ME1: variants seen among roughly 807,000 people sequenced by gnomAD.
ME1 encodes the protein malic enzyme 1.
In ME1, 74 loss-of-function variants were observed where a neutral mutation model predicts 66.4. The observed-to-expected ratio is 1.11, with a 90% confidence interval of 0.92 to 1.35. ME1 has a LOEUF of 1.35. ME1 is among the 40% of genes most tolerant of loss of function. The pLI is 0.00. For missense variants in ME1, 750 were observed against 694.1 expected (o/e 1.08, Z -0.90); for synonymous variants, 251 against 235.6 (o/e 1.07, Z -0.60).
chr6:83,308,735 C>T (rs1013105062), intron 6 of ME1, among the ~76,000 whole-genome samples: 14 of 150,358 alleles, frequency 9.3e-5, no homozygotes, highest in Admixed American at 5.4e-4. Context: ...AAAGAAAACT[C>T]CCTGCTTTCA....
At chr6:83,307,427 A>AT (rs1252915993) in intron 6 of ME1, among the ~76,000 whole-genome samples, 5 of 151,962 alleles carry the variant, frequency 3.3e-5, no homozygotes, top group Non-Finnish European at 5.9e-5. Flanking sequence ...TTTGCATTTT[A>AT]TTTTTTTCAC....
intron 11 of ME1, 137 bp downstream of exon 11, chr6:83,227,198 C>T (rs1790212783): frequency 2.2e-6 from 1 of 452,868 alleles, no homozygotes; most frequent in Non-Finnish European, 3.7e-6. Context: ...GTTCTTATCC[C>T]TCTGATTTGT....
At chr6:83,239,995 C>T (rs1419606487) in intron 7 of ME1, among the ~76,000 whole-genome samples, 1 of 151,974 alleles carries the variant, frequency 6.6e-6, no homozygotes. Context: ...TAGATAGTTT[C>T]CTCATCTGTA....
At chr6:83,225,138 G>C (rs1790167379) in intron 11 of ME1, among the ~76,000 whole-genome samples, 1 of 146,964 alleles carries the variant, frequency 6.8e-6, no homozygotes, top group African/African-American at 2.5e-5. Context: ...GGAGGCGGAG[G>C]TTGCAGTGAG....
At chr6:83,413,133 A>G (rs529932020) in intron 1 of ME1, among the ~76,000 whole-genome samples, 53 of 152,142 alleles carry the variant, frequency 3.5e-4, no homozygotes, top group Non-Finnish European at 6.8e-4. Context: ...CAGTCTCCCA[A>G]GTAGCTAAGA....
chr6:83,334,205 G>T (rs926254648), intron 5 of ME1, among the ~76,000 whole-genome samples: 2 of 150,154 alleles, frequency 1.3e-5, no homozygotes, highest in Middle Eastern at 3.2e-3. Flanking sequence ...AAGGGGTGAC[G>T]GACGCACCTG....
chr6:83,310,736 G>GA (rs1416905648), intron 6 of ME1, among the ~76,000 whole-genome samples: 2 of 152,022 alleles, frequency 1.3e-5, no homozygotes, highest in Non-Finnish European at 2.9e-5. Context: ...GTAACTATAA[G>GA]GACAATGGGA....
intron 3 of ME1, among the ~76,000 whole-genome samples, chr6:83,389,590 G>C (rs1769579211): frequency 1.3e-5 from 2 of 152,044 alleles, no homozygotes; most frequent in African/African-American, 4.8e-5. Context: ...AAAAGAGAGG[G>C]AGATAAATCT....
At chr6:83,307,094 T>C (rs1003453017) in intron 6 of ME1, among the ~76,000 whole-genome samples, 2 of 152,038 alleles carry the variant, frequency 1.3e-5, no homozygotes, top group African/African-American at 2.4e-5. Flanking sequence ...AAATCAAATA[T>C]CAAAATACTG....
At chr6:83,324,490 T>C (rs1768244234) in intron 5 of ME1, among the ~76,000 whole-genome samples, 1 of 150,846 alleles carries the variant, frequency 6.6e-6, no homozygotes, top group Non-Finnish European at 1.5e-5. Flanking sequence ...AATAAAAAAA[T>C]GATAAAGGGG....
chr6:83,334,159 G>A (rs533078723), intron 5 of ME1, among the ~76,000 whole-genome samples: 6 of 152,068 alleles, frequency 3.9e-5, no homozygotes, highest in Admixed American at 2.0e-4. Flanking sequence ...CCTGGGAAGC[G>A]CAAGGGGTCA....
rs539792338 is a variant in ME1, at chr6:83,241,617, A to T, written c.815-1981T>A. ...AGAATTAATTAATAAAATCAGAAAG[A>T]TATTTTTAGCACTATCAAAAATTTA... On this transcript the variant is annotated intron_variant, in intron 7 of 13. Transcript: ENST00000369705. Among the ~76,000 whole-genome samples, 5 of 152,288 alleles carry T rather than the reference A, an allele frequency of 3.3e-5. No homozygotes were observed. The East Asian group carries it at 9.6e-4, about 29-fold the overall frequency.
chr6:83,243,133 G>T (rs1583336160), intron 7 of ME1, among the ~76,000 whole-genome samples: 1 of 150,864 alleles, frequency 6.6e-6, no homozygotes, highest in Non-Finnish European at 1.5e-5. Flanking sequence ...GGGTGTGATG[G>T]TACATGCCTG....
intron 7 of ME1, among the ~76,000 whole-genome samples, chr6:83,251,493 C>CA (rs113389971): frequency 0.17 from 24,676 of 146,986 alleles, 3,867 homozygotes; most frequent in African/African-American, 0.41. Context: ...GACTCTGTCT[C>CA]AAAAAAAAAA....
intron 3 of ME1, among the ~76,000 whole-genome samples, chr6:83,360,484 C>A (rs1019434410): frequency 7.9e-5 from 12 of 152,184 alleles, no homozygotes; most frequent in African/African-American, 2.4e-4. Context: ...ATCCTATGGT[C>A]ATTTCCCCAT....
intron 7 of ME1, among the ~76,000 whole-genome samples, chr6:83,247,360 T>C (rs1790643248): frequency 6.6e-6 from 1 of 152,146 alleles, no homozygotes; most frequent in Non-Finnish European, 1.5e-5. Context: ...TATGCATTTT[T>C]TCCAGTTTAA....
At chr6:83,430,692 T>C (rs1178716686) in intron 1 of ME1, among the ~76,000 whole-genome samples, 185 bp downstream of exon 1, 2 of 152,242 alleles carry the variant, frequency 1.3e-5, no homozygotes, top group East Asian at 3.9e-4. Flanking sequence ...CTCTAGTGGA[T>C]ACGGACCCGA....
intron 3 of ME1, among the ~76,000 whole-genome samples, chr6:83,398,162 T>C (rs1769772809): frequency 6.6e-6 from 1 of 152,178 alleles, no homozygotes; most frequent in Non-Finnish European, 1.5e-5. Context: ...AAATAAATGA[T>C]ATGAATGTGA....
chr6:83,426,038 C>T (rs1770365640), intron 1 of ME1, among the ~76,000 whole-genome samples: 1 of 152,120 alleles, frequency 6.6e-6, no homozygotes, highest in Non-Finnish European at 1.5e-5. Flanking sequence ...AAGTTCAGCC[C>T]TCTCTTGCTC....
Sources: gnomAD v4.1 joint callset for allele counts (sites outside exome capture counted in the v4.1 genomes callset) on GRCh38, gnomAD v4.1.1 for gene constraint, MANE v1.5 for transcripts, NCBI Gene and HGNC (gene_info 2026-07-23, HGNC 2026-07-21) for gene names.